SLC16A10: variants seen among roughly 807,000 people sequenced by gnomAD.
The protein encoded by SLC16A10 is solute carrier family 16 member 10.
Under a neutral mutation model 40.0 loss-of-function variants are expected in SLC16A10, and 27 were observed. That is an observed-to-expected ratio of 0.67 (90% confidence interval 0.50 to 0.93). SLC16A10 has a LOEUF of 0.93. Among genes scored for constraint, SLC16A10 ranks in the 40% least tolerant of loss-of-function variants. SLC16A10 has a pLI of 0.00. For missense variants in SLC16A10, 529 were observed against 658.2 expected, an observed-to-expected ratio of 0.80 and a Z score of 2.15; for synonymous variants, 213 against 249.8, an observed-to-expected ratio of 0.85 and a Z score of 1.39.
At chr6:111,202,662 G>A (rs1222183943) in intron 3 of SLC16A10, among the ~76,000 whole-genome samples, 1 of 152,026 alleles carries the variant, frequency 6.6e-6, no homozygotes, top group East Asian at 1.9e-4. Context: ...GCTGAGGCAA[G>A]TGGATCATGA....
intron 3 of SLC16A10, among the ~76,000 whole-genome samples, chr6:111,182,310 C>CTTTTTTTTTTTTTT (rs372963281): frequency 2.9e-5 from 3 of 103,624 alleles, no homozygotes; most frequent in Admixed American, 1.2e-4. Flanking sequence ...CTCTGGGTTT[C>CTTTTTTTTTTTTTT]TTTTTTTTTT....
intron 1 of SLC16A10, among the ~76,000 whole-genome samples, chr6:111,097,304 T>A (rs1015331211): frequency 1.4e-4 from 21 of 152,288 alleles, no homozygotes; most frequent in Non-Finnish European, 2.6e-4. Flanking sequence ...TTTTATTTTT[T>A]AAATTTTTAT....
chr6:111,180,470 GC>G (rs1270307520), intron 3 of SLC16A10, among the ~76,000 whole-genome samples: 1 of 152,220 alleles, frequency 6.6e-6, no homozygotes, highest in African/African-American at 2.4e-5. Flanking sequence ...GATCGCATGA[GC>G]CCAGGAGGTC....
intron 1 of SLC16A10, among the ~76,000 whole-genome samples, chr6:111,121,308 T>G (rs1037778458): frequency 1.6e-4 from 24 of 152,306 alleles, no homozygotes; most frequent in African/African-American, 5.3e-4. Context: ...ACACCGGTAA[T>G]CCCGGCACTT....
chr6:111,096,906 A>G (rs1771084533), intron 1 of SLC16A10, among the ~76,000 whole-genome samples: 1 of 152,000 alleles, frequency 6.6e-6, no homozygotes, highest in African/African-American at 2.4e-5. Flanking sequence ...CATAACCTCA[A>G]CCTCTTGGGC....
intron 1 of SLC16A10, among the ~76,000 whole-genome samples, chr6:111,170,890 C>A (rs184008022): frequency 4.2e-4 from 64 of 152,188 alleles, no homozygotes; most frequent in Admixed American, 3.7e-3. Context: ...GTAATGCCAG[C>A]AATTTGGGAG....
rs150872938 is a variant in SLC16A10, at chr6:111,213,105, A to G, written c.1087-5709A>G. ...TGAAAGTTAAAACTGTGTATGAAAG[A>G]ATTGAAAACTTGGAATTTAGATCAC... On this transcript the variant is annotated intron_variant, in intron 4 of 5. Transcript: ENST00000368851. Among the ~76,000 whole-genome samples the G allele has an allele frequency of 4.6e-5, 7 of 152,338 alleles. No homozygotes were observed. In the East Asian group the frequency reaches 7.7e-4, roughly 17 times the overall value.
At chr6:111,126,710 A>T (rs1432271137) in intron 1 of SLC16A10, among the ~76,000 whole-genome samples, 1 of 152,174 alleles carries the variant, frequency 6.6e-6, no homozygotes, top group African/African-American at 2.4e-5. Context: ...ATGGTTATTA[A>T]TATATTACAA....
At chr6:111,202,994 C>T (rs1305525067) in intron 3 of SLC16A10, among the ~76,000 whole-genome samples, 1 of 151,012 alleles carries the variant, frequency 6.6e-6, no homozygotes, top group Non-Finnish European at 1.5e-5. Context: ...AACAACTGCT[C>T]TACAGCATAA....
chr6:111,210,423 CA>C (rs766043315), intron 4 of SLC16A10, among the ~76,000 whole-genome samples: 1 of 152,230 alleles, frequency 6.6e-6, no homozygotes, highest in Non-Finnish European at 1.5e-5. Context: ...TGGACATCCT[CA>C]TCTAACATTT....
chr6:111,143,403 G>T (rs530854635), intron 1 of SLC16A10, among the ~76,000 whole-genome samples: 1 of 152,012 alleles, frequency 6.6e-6, no homozygotes, highest in Non-Finnish European at 1.5e-5. Flanking sequence ...TTCTTCTAGA[G>T]ACAAGGCCTT....
intron 4 of SLC16A10, among the ~76,000 whole-genome samples, chr6:111,208,255 A>G (rs1773287222): frequency 6.6e-6 from 1 of 152,016 alleles, no homozygotes; most frequent in Non-Finnish European, 1.5e-5. Flanking sequence ...CTGGGATTAC[A>G]GGTGTGAGCC....
intron 1 of SLC16A10, among the ~76,000 whole-genome samples, chr6:111,166,502 T>C (rs1397005095): frequency 1.3e-5 from 2 of 151,058 alleles, no homozygotes; most frequent in Non-Finnish European, 3.0e-5. Context: ...TTTTACATAA[T>C]TTAAGGCTAT....
At chr6:111,161,417 C>T (rs565592330) in intron 1 of SLC16A10, among the ~76,000 whole-genome samples, 4 of 152,086 alleles carry the variant, frequency 2.6e-5, no homozygotes. Flanking sequence ...CCCGTTCCTA[C>T]ACCCCTATCT....
At chr6:111,152,234 T>C (rs888172586) in intron 1 of SLC16A10, among the ~76,000 whole-genome samples, 10 of 152,212 alleles carry the variant, frequency 6.6e-5, no homozygotes, top group African/African-American at 2.4e-4. Flanking sequence ...TTATATGGAT[T>C]TTGAGTCCTA....
chr6:111,197,985 C>T (rs905478485), intron 3 of SLC16A10, among the ~76,000 whole-genome samples: 3 of 152,124 alleles, frequency 2.0e-5, no homozygotes, highest in Admixed American at 2.0e-4. Flanking sequence ...ACATTCAAAC[C>T]ATATCAGAAG....
chr6:111,181,871 G>GC (rs1275046518), intron 3 of SLC16A10, among the ~76,000 whole-genome samples: 4 of 152,102 alleles, frequency 2.6e-5, no homozygotes. Flanking sequence ...TTTAGATGAG[G>GC]CCTAACTTTC....
chr6:111,209,806 A>G (rs1157439673), intron 4 of SLC16A10, among the ~76,000 whole-genome samples: 1 of 152,182 alleles, frequency 6.6e-6, no homozygotes, highest in Non-Finnish European at 1.5e-5. Flanking sequence ...TTGAATTTAG[A>G]ATAGGGAGGC....
chr6:111,173,866 A>G (rs532412703), intron 2 of SLC16A10, among the ~76,000 whole-genome samples: 6 of 152,348 alleles, frequency 3.9e-5, no homozygotes, highest in African/African-American at 1.4e-4. Flanking sequence ...CAATAAATGT[A>G]ATGCACTTGA....
Sources: gnomAD v4.1 joint callset for allele counts (sites outside exome capture counted in the v4.1 genomes callset) on GRCh38, gnomAD v4.1.1 for gene constraint, MANE v1.5 for transcripts, NCBI Gene and HGNC (gene_info 2026-07-23, HGNC 2026-07-21) for gene names.